Variants in FAM174A observed in about 807,000 individuals in gnomAD.
FAM174A encodes the protein membrane protein FAM174A.
In FAM174A, 14 loss-of-function variants were observed where a neutral mutation model predicts 14.3. That is an observed-to-expected ratio of 0.98 (90% CI 0.65 to 1.53). The LOEUF is 1.53. FAM174A is among the 40% of genes most tolerant of loss of function. The probability of loss-of-function intolerance (pLI) is 0.00; values close to 1 mark genes in which losing one functional copy is unlikely to be tolerated. For synonymous variants in FAM174A, 108 were observed against 111.4 expected (o/e 0.97, Z 0.19); for missense variants, 241 against 249.6 (o/e 0.97, Z 0.23).
intron 1 of FAM174A, among the ~76,000 whole-genome samples, chr5:100,540,624 C>T (rs1300006154): frequency 6.6e-6 from 1 of 152,088 alleles, no homozygotes; most frequent in Non-Finnish European, 1.5e-5. Context: ...TTTACTCATA[C>T]ACCTAAAATA....
At chr5:100,541,391 ATATT>A (rs1344129931) in intron 1 of FAM174A, among the ~76,000 whole-genome samples, 5 of 152,132 alleles carry the variant, frequency 3.3e-5, no homozygotes, top group Admixed American at 1.3e-4. Flanking sequence ...AGAAGACTAA[ATATT>A]TATCTCTAAT....
intron 1 of FAM174A, among the ~76,000 whole-genome samples, chr5:100,543,706 C>T (rs1319173679): frequency 2.0e-5 from 3 of 152,196 alleles, no homozygotes; most frequent in Non-Finnish European, 4.4e-5. Context: ...TCTCCTGCCT[C>T]AGCCTCCCCG....
chr5:100,556,850 G>A (rs911619428), intron 1 of FAM174A, among the ~76,000 whole-genome samples: 4 of 152,134 alleles, frequency 2.6e-5, no homozygotes, highest in South Asian at 2.1e-4. Context: ...GGGCTGAGAC[G>A]ATGGGGTTTT....
At chr5:100,542,015 T>C (rs1411826889) in intron 1 of FAM174A, among the ~76,000 whole-genome samples, 2 of 152,196 alleles carry the variant, frequency 1.3e-5, no homozygotes, top group Admixed American at 1.3e-4. Context: ...GAGCAGGGCC[T>C]CTGTCTTACT....
intron 1 of FAM174A, among the ~76,000 whole-genome samples, chr5:100,543,333 G>A (rs1244045690): frequency 1.3e-5 from 2 of 152,042 alleles, no homozygotes; most frequent in Admixed American, 6.6e-5. Context: ...GCCTAAGCTG[G>A]TCTCGAACTC....
At chr5:100,562,025 T>G in intron 1 of FAM174A, 29 bp from the exon 2 acceptor site, 1 of 1,326,836 alleles carries the variant, frequency 7.5e-7, no homozygotes, top group South Asian at 1.5e-5. Context: ...TTAAATAATT[T>G]TTATTCATTA....
At chr5:100,567,821 C>T (rs903090164) in intron 2 of FAM174A, among the ~76,000 whole-genome samples, 1 of 151,840 alleles carries the variant, frequency 6.6e-6, no homozygotes, top group Admixed American at 6.6e-5. Flanking sequence ...CACAGATGTC[C>T]ACTTGTACTT....
intron 1 of FAM174A, among the ~76,000 whole-genome samples, chr5:100,559,554 G>T (rs1746479651): frequency 1.3e-5 from 2 of 152,024 alleles, no homozygotes; most frequent in Admixed American, 6.6e-5. Context: ...TTCCAACTTG[G>T]TTCCATCCTC....
intron 1 of FAM174A, among the ~76,000 whole-genome samples, chr5:100,556,178 A>G (rs1746375980): frequency 2.0e-5 from 3 of 152,170 alleles, no homozygotes; most frequent in East Asian, 3.8e-4. Context: ...CAGTTTTCCC[A>G]GCACCATTTA....
chr5:100,551,774 G>A (rs1746267876), intron 1 of FAM174A, among the ~76,000 whole-genome samples: 2 of 152,102 alleles, frequency 1.3e-5, no homozygotes, highest in African/African-American at 2.4e-5. Flanking sequence ...TCTGTTCTGG[G>A]CCTCTCTTGA....
Position 100,582,103 on chromosome 5 carries a change from T to G in FAM174A, c.570-4078T>G, listed in dbSNP as rs551107295. The stretch of plus-strand genomic sequence containing the variant: ...CTAGTAATTTTGTGTTCTCCTAGTT[T>G]ATGAAACTGCAATTTTGATTTTACA... On this transcript the variant is annotated intron_variant, in intron 2 of 2. Coordinates refer to ENST00000312637, the MANE Select transcript of FAM174A (RefSeq NM_198507.3). Among the ~76,000 whole-genome samples the G allele has an allele frequency of 4.0e-4, 61 of 152,326 alleles. No individual in the cohort carries two copies. In the South Asian group the frequency reaches 7.0e-3, roughly 18 times the overall value.
chr5:100,577,582 A>C (rs947317846), intron 2 of FAM174A, among the ~76,000 whole-genome samples: 6 of 152,130 alleles, frequency 3.9e-5, no homozygotes, highest in African/African-American at 1.4e-4. Flanking sequence ...AACAGTTATC[A>C]ATTTGAAAAT....
intron 2 of FAM174A, among the ~76,000 whole-genome samples, chr5:100,572,524 A>G (rs1746809310): frequency 6.6e-6 from 1 of 151,238 alleles, no homozygotes; most frequent in Non-Finnish European, 1.5e-5. Context: ...TTCTTGCGAT[A>G]GTTTACTGAG....
In FAM174A at chr5:100,586,243, G is replaced by C. The variant is rs915926188; in HGVS notation, c.*59G>C. On this transcript the variant is annotated 3_prime_UTR_variant, in exon 3 of 3. Transcript: ENST00000312637. ...CTACAATGAAGAGTGGAATTTCTAT[G>C]TTTAAGGAATAAGAAGCCACTATAT... The C allele has an allele frequency of 1.5e-5, 19 of 1,266,860 alleles. No homozygotes were observed. Among genetic ancestry groups the C allele is most frequent in the Non-Finnish European group, 2.1e-5 (19 of 904,134 alleles). The allele number at this position is 1,266,860 out of a possible 1,614,324, so 78.5% of individuals were successfully genotyped here. A position where few individuals can be genotyped will look rare whatever the true frequency, so the allele number is the denominator to read the frequency against.
chr5:100,583,094 A>T (rs767213048), intron 2 of FAM174A, among the ~76,000 whole-genome samples: 3 of 152,220 alleles, frequency 2.0e-5, no homozygotes, highest in Non-Finnish European at 2.9e-5. Flanking sequence ...AATGTTACTA[A>T]GAAAATCATA....
rs1746978752 is a variant in FAM174A at position 100,579,911 on chromosome 5, T to C, written c.570-6270T>C. Among the ~76,000 whole-genome samples, 4 of 152,316 alleles carry C rather than the reference T, an allele frequency of 2.6e-5. No individual in the cohort carries two copies. The South Asian group carries it at 8.3e-4, about 32-fold the overall frequency. On this transcript the variant is annotated intron_variant, in intron 2 of 2. Transcript: ENST00000312637. Reference sequence around the variant, plus strand: ...GGGTATCTTTCCATCTTAAGAGATATTTGTTTTTGGCAAGCATGTATGGGA... The same window carrying C: ...GGGTATCTTTCCATCTTAAGAGATACTTGTTTTTGGCAAGCATGTATGGGA...
chr5:100,566,181 A>C (rs1426140474), intron 2 of FAM174A, among the ~76,000 whole-genome samples: 4 of 79,306 alleles, frequency 5.0e-5, no homozygotes, highest in Non-Finnish European at 1.1e-4. Flanking sequence ...TGTACATATA[A>C]TATATATAAT....
intron 1 of FAM174A, among the ~76,000 whole-genome samples, chr5:100,550,785 G>A (rs992310495): frequency 6.6e-6 from 1 of 152,210 alleles, no homozygotes; most frequent in Admixed American, 6.5e-5. Context: ...TGAAAGATGA[G>A]CAGGCATTCA....
At chr5:100,584,855 T>C (rs1363590798) in intron 2 of FAM174A, among the ~76,000 whole-genome samples, 1 of 152,170 alleles carries the variant, frequency 6.6e-6, no homozygotes, top group Non-Finnish European at 1.5e-5. Flanking sequence ...CCATCTACAA[T>C]ACATATCAAG....
Sources: allele counts gnomAD v4.1 joint callset (sites outside exome capture counted in the v4.1 genomes callset), GRCh38; gene constraint gnomAD v4.1.1; transcripts MANE v1.5; gene names NCBI Gene and HGNC (gene_info 2026-07-23, HGNC 2026-07-21).